The following IL1R1 variants were observed in gnomAD, a reference collection of about 807,000 sequenced individuals.
The protein encoded by IL1R1 is interleukin-1 receptor type 1.
A neutral mutation model predicts 50.2 loss-of-function variants in IL1R1; 22 were observed. The observed-to-expected ratio is 0.44, with a 90% CI of 0.31 to 0.63. The LOEUF (loss-of-function observed/expected upper bound fraction) is 0.63, where lower values mean the gene tolerates loss of function less well. Among genes scored for constraint, IL1R1 ranks in the 20% least tolerant of loss-of-function variants. The pLI, the probability that IL1R1 is intolerant of heterozygous loss-of-function variation, is 0.07. For missense variants in IL1R1, 509 were observed against 676.2 expected, an observed-to-expected ratio of 0.75 and a Z score of 2.74; for synonymous variants, 251 against 236.7, an observed-to-expected ratio of 1.06 and a Z score of -0.55.
At chr2:102,102,015 G>C (rs1386265690), upstream of IL1R1, among the ~76,000 whole-genome samples, 1 of 152,178 alleles carries the variant, frequency 6.6e-6, no homozygotes, top group African/African-American at 2.4e-5. Context: ...TGTTCACACA[G>C]GTTAACTAAA....
At chr2:102,147,778 C>T (rs1683286753) in intron 1 of IL1R1, among the ~76,000 whole-genome samples, 1 of 152,182 alleles carries the variant, frequency 6.6e-6, no homozygotes, top group Non-Finnish European at 1.5e-5. Context: ...TTAGTTGAAA[C>T]CACCAATCTT....
At chr2:102,128,394 C>A (rs9284725) in intron 1 of IL1R1, among the ~76,000 whole-genome samples, 124,614 of 152,232 alleles carry the variant, frequency 0.82, 51,534 homozygotes, top group African/African-American at 0.94. Flanking sequence ...TCATTTTATA[C>A]GTTCAAAGAG....
Position 102,177,204 on chromosome 2 carries a change from T to C in IL1R1, c.*445T>C. 1.1e-5 allele frequency: 2 copies of C among 183,732 alleles called. No homozygotes were observed. 11.4% of individuals were successfully genotyped at this position (183,732 alleles called of 1,614,324 possible). On this transcript the variant is annotated 3_prime_UTR_variant, in exon 12 of 12. Coordinates refer to ENST00000410023, the MANE Select transcript of IL1R1 (RefSeq NM_000877.4). The stretch of plus-strand genomic sequence containing the variant: ...TTGCTTGAACCGGGGAGACGGAGGT[T>C]GCAGTGAGCCGAGTTTGGGCCACTG...
At position 102,167,819 on chromosome 2, in the gene IL1R1, G is replaced by A. The variant is rs368397201; in HGVS notation, c.656-779G>A. On this transcript the variant is annotated intron_variant, in intron 6 of 11. Transcript: ENST00000410023. ...TTTGTAGAAACAATATACTCTACTC[G>A]GAGTGAGGTAATATTTTGTTTTCTT... is the stretch of plus-strand genomic sequence containing the variant. 3.9e-5 allele frequency among the ~76,000 whole-genome samples: 6 copies of A among 152,136 alleles called. No individual in the cohort carries two copies. The East Asian group carries it at 7.7e-4, about 20-fold the overall frequency.
In IL1R1 at chr2:102,166,243, A is replaced by G. The variant is rs1256746947; in HGVS notation, c.617A>G (p.Gln206Arg). 1 of 1,613,728 alleles carries G rather than the reference A, an allele frequency of 6.2e-7. No individual in the cohort carries two copies. The highest frequency in any genetic ancestry group is 1.7e-5 in the Admixed American group (1 of 60,006). ...CHASYTYLGK[Q>R]YPITRVIEFI... is the part of the protein sequence containing the mutation. ...GCATCCTACACATACTTGGGCAAGC[A>G]ATATCCTATTACCCGGGTAATAGAA... Residue 206 changes from glutamine to arginine, a missense_variant, in exon 6 of 12, where the codon CAA becomes CGA. Coordinates refer to ENST00000410023, the MANE Select transcript of IL1R1 (RefSeq NM_000877.4).
chr2:102,090,141 T>G (rs1034934901), intron 1 of IL1R1, among the ~76,000 whole-genome samples: 1 of 151,120 alleles, frequency 6.6e-6, no homozygotes, highest in East Asian at 1.9e-4. Flanking sequence ...GCCTATCCTT[T>G]TTTTTTCAAT....
intron 1 of IL1R1, among the ~76,000 whole-genome samples, chr2:102,117,208 G>A (rs929873602): frequency 2.6e-5 from 4 of 152,110 alleles, no homozygotes; most frequent in African/African-American, 9.7e-5. Flanking sequence ...GTCTATTTTT[G>A]GGTTGACCAA....
At chr2:102,145,578 G>A (rs536321106) in intron 1 of IL1R1, among the ~76,000 whole-genome samples, 1 of 152,322 alleles carries the variant, frequency 6.6e-6, no homozygotes, top group African/African-American at 2.4e-5. Context: ...GCCCACGAGC[G>A]GACAGGGGGT....
At chr2:102,144,280 C>T (rs1266792710) in intron 1 of IL1R1, among the ~76,000 whole-genome samples, 1 of 152,186 alleles carries the variant, frequency 6.6e-6, no homozygotes, top group Non-Finnish European at 1.5e-5. Flanking sequence ...GATTTATTTT[C>T]AGTCTCTGGC....
intron 6 of IL1R1, 87 bp from the exon 7 acceptor site, chr2:102,168,511 C>A: frequency 9.9e-7 from 1 of 1,014,690 alleles, no homozygotes; most frequent in South Asian, 1.3e-5. Context: ...GGCCAGAAGT[C>A]ATTTAGTATG....
intron 1 of IL1R1, among the ~76,000 whole-genome samples, chr2:102,112,673 A>C (rs1680838095): frequency 6.6e-6 from 1 of 152,200 alleles, no homozygotes; most frequent in African/African-American, 2.4e-5. Context: ...AAGTCTAGAA[A>C]TGTAGTCATA....
upstream of IL1R1, among the ~76,000 whole-genome samples, chr2:102,139,712 G>A (rs899505939): frequency 2.0e-5 from 3 of 152,208 alleles, no homozygotes; most frequent in East Asian, 1.9e-4. Flanking sequence ...CCTCTCTCTC[G>A]CTTCCTCCTG....
rs887625050 is a variant in IL1R1 at position 102,161,826 on chromosome 2, A to C, written c.62-2948A>C. Reference sequence around the variant, plus strand: ...GTGATTCTTGTGCCTCAGCCTCCCAAGTAGCTAGGATTATGGGTGCCCACC... The same window carrying C: ...GTGATTCTTGTGCCTCAGCCTCCCACGTAGCTAGGATTATGGGTGCCCACC... On this transcript the variant is annotated intron_variant, in intron 3 of 11. Coordinates refer to ENST00000410023, the MANE Select transcript of IL1R1 (RefSeq NM_000877.4). Among the ~76,000 whole-genome samples, 3 of 151,920 alleles carry C rather than the reference A, an allele frequency of 2.0e-5. No individual in the cohort carries two copies. The South Asian group carries it at 6.2e-4, about 32-fold the overall frequency.
At chr2:102,080,246 A>G (rs1250991915) in intron 1 of IL1R1, among the ~76,000 whole-genome samples, 4 of 152,188 alleles carry the variant, frequency 2.6e-5, no homozygotes, top group African/African-American at 9.6e-5. Context: ...CTTCACCAAA[A>G]TTAAATCCTT....
chr2:102,178,090 AC>A lies in IL1R1; in HGVS notation c.*1334del, dbSNP rs1686292549. The A allele has an allele frequency of 6.6e-6, 1 of 152,568 alleles. No individual in the cohort carries two copies. The highest frequency in any genetic ancestry group is 6.5e-5 in the Admixed American group (1 of 15,268). The allele number at this position is 152,568 out of a possible 1,614,324, so 9.5% of individuals were successfully genotyped here. ...CTCCTCTGTCTCTGCTCTTGCCTGCACCCTTCCTCCTCCTTTGCCTAGGAGG... is the reference window on the plus strand; with the variant it reads ...CTCCTCTGTCTCTGCTCTTGCCTGCACCTTCCTCCTCCTTTGCCTAGGAGG... On this transcript the variant is annotated 3_prime_UTR_variant, in exon 12 of 12. Transcript: ENST00000410023.
intron 1 of IL1R1, among the ~76,000 whole-genome samples, chr2:102,084,195 A>G (rs910983354): frequency 2.6e-5 from 4 of 152,220 alleles, no homozygotes; most frequent in Non-Finnish European, 5.9e-5. Context: ...AAATCCAGTA[A>G]AATGAAGCTC....
chr2:102,076,629 T>C (rs1231622186), intron 1 of IL1R1, among the ~76,000 whole-genome samples: 2 of 152,226 alleles, frequency 1.3e-5, no homozygotes, highest in Non-Finnish European at 2.9e-5. Flanking sequence ...TTAAAGATAT[T>C]GATCTAGGGT....
Position 102,172,741 on chromosome 2 carries a change from A to G in IL1R1, c.894A>G (p.Ile298Met). The change falls in exon 9 of 12, where the codon ATA becomes ATG. Residue 298 changes from isoleucine to methionine, a missense_variant. By Grantham distance (10) the Ile-to-Met change is conservative. Coordinates refer to ENST00000410023, the MANE Select transcript of IL1R1 (RefSeq NM_000877.4). ...GTACCCTCATCACAGTGCTTAATATATCGGAAATTGAAAGTAGATTTTATA... is the reference window on the plus strand; with the variant it reads ...GTACCCTCATCACAGTGCTTAATATGTCGGAAATTGAAAGTAGATTTTATA... ...RRSTLITVLN[I>M]SEIESRFYKH... 1 of 1,612,870 alleles carries G rather than the reference A, an allele frequency of 6.2e-7. No homozygotes were observed. The highest frequency in any genetic ancestry group is 8.5e-7 in the Non-Finnish European group (1 of 1,178,932).
rs116158222 is a variant in IL1R1, at chr2:102,151,087, A to C, written c.-83-2854A>C. Among the ~76,000 whole-genome samples the C allele has an allele frequency of 4.1e-3, 623 of 152,316 alleles. 6 individuals are homozygous for C. Among genetic ancestry groups the C allele is most frequent in the African/African-American group, 0.014 (593 of 41,564 alleles). On this transcript the variant is annotated intron_variant, in intron 1 of 11. Transcript: ENST00000410023. ...AAAGAATTACAATGGACTTTGATTA[A>C]CTAGTTCTGAATAAGAGAGGTTTCT...
Sources: allele counts gnomAD v4.1 joint callset (sites outside exome capture counted in the v4.1 genomes callset), GRCh38; gene constraint gnomAD v4.1.1; transcripts MANE v1.5; gene names NCBI Gene and HGNC (gene_info 2026-07-23, HGNC 2026-07-21).